LCORL: variants seen among roughly 807,000 people sequenced by gnomAD.
LCORL encodes ligand-dependent nuclear receptor corepressor-like protein.
LCORL carries 41 observed loss-of-function variants against 141.8 expected under a neutral mutation model. The ratio of observed to expected loss-of-function variants is 0.29; its 90% CI spans 0.23 to 0.38. The LOEUF is 0.38. LCORL is among the 10% of genes least tolerant of loss of function. The pLI is 1.00. For missense variants in LCORL, 1,759 were observed against 2,035.0 expected (o/e 0.86, Z 2.61); for synonymous variants, 618 against 694.1 (o/e 0.89, Z 1.72).
intron 1 of LCORL, among the ~76,000 whole-genome samples, chr4:17,979,850 T>C (rs1044362240): frequency 2.6e-5 from 4 of 152,136 alleles, no homozygotes; most frequent in Non-Finnish European, 5.9e-5. Flanking sequence ...AATAAGATTA[T>C]CCTGGTGGAT....
At chr4:17,871,692 T>C (rs954917221) in intron 7 of LCORL, among the ~76,000 whole-genome samples, 5 of 151,964 alleles carry the variant, frequency 3.3e-5, no homozygotes, top group Admixed American at 2.6e-4. Flanking sequence ...TTAAGAATTA[T>C]GTGTGTATAT....
chr4:17,982,553 G>T (rs1055182245), intron 1 of LCORL, among the ~76,000 whole-genome samples: 2 of 152,074 alleles, frequency 1.3e-5, no homozygotes, highest in African/African-American at 4.8e-5. Context: ...TCATATACTT[G>T]TTGGCTGCAT....
At chr4:17,925,216 T>C (rs1309709600) in intron 4 of LCORL, among the ~76,000 whole-genome samples, 1 of 152,204 alleles carries the variant, frequency 6.6e-6, no homozygotes, top group African/African-American at 2.4e-5. Flanking sequence ...CTGGGGTGAC[T>C]GACCCAGACA....
chr4:17,926,431 T>G (rs1395559082), intron 4 of LCORL, among the ~76,000 whole-genome samples: 1 of 152,216 alleles, frequency 6.6e-6, no homozygotes, highest in Non-Finnish European at 1.5e-5. Flanking sequence ...GGAAGCTTCC[T>G]GCCCTCGAAT....
At chr4:17,972,727 C>T (rs1439745544) in intron 2 of LCORL, 93 bp downstream of exon 2, 4 of 432,294 alleles carry the variant, frequency 9.3e-6, no homozygotes, top group African/African-American at 4.1e-5. Context: ...ATCATAAATT[C>T]ATGTTTAATA....
At chr4:17,972,314 T>C (rs967044474) in intron 2 of LCORL, among the ~76,000 whole-genome samples, 10 of 151,818 alleles carry the variant, frequency 6.6e-5, no homozygotes, top group Non-Finnish European at 1.3e-4. Context: ...GTCAATATAT[T>C]AGTTCACTTA....
chr4:17,867,851 A>C (rs1210029629), intron 7 of LCORL, among the ~76,000 whole-genome samples: 3 of 152,220 alleles, frequency 2.0e-5, no homozygotes, highest in Admixed American at 2.0e-4. Context: ...CATCAAGACA[A>C]AGATTGTTTA....
intron 4 of LCORL, among the ~76,000 whole-genome samples, chr4:17,934,867 G>T (rs775959967): frequency 1.3e-5 from 2 of 152,026 alleles, no homozygotes; most frequent in Non-Finnish European, 2.9e-5. Flanking sequence ...TGGTATCAAG[G>T]TATTTTAAAA....
chr4:18,007,204 TGTAA>T (rs903564166), intron 1 of LCORL, among the ~76,000 whole-genome samples: 50 of 152,310 alleles, frequency 3.3e-4, no homozygotes, highest in African/African-American at 1.2e-3. Flanking sequence ...CCACCTCTAG[TGTAA>T]GTGAGTTAAT....
At chr4:17,993,185 G>T (rs1056541441) in intron 1 of LCORL, among the ~76,000 whole-genome samples, 1 of 152,112 alleles carries the variant, frequency 6.6e-6, no homozygotes, top group Non-Finnish European at 1.5e-5. Context: ...TACAGTAGCT[G>T]AGAATATTTT....
At chr4:17,986,624 T>C (rs1719022426) in intron 1 of LCORL, among the ~76,000 whole-genome samples, 1 of 151,942 alleles carries the variant, frequency 6.6e-6, no homozygotes, top group South Asian at 2.1e-4. Flanking sequence ...AGGTGTGTTG[T>C]TTGTTTGTTT....
At chr4:17,882,973 AG>A (rs1727775636) in intron 6 of LCORL, 1 of 921,880 alleles carries the variant, frequency 1.1e-6, no homozygotes, top group South Asian at 5.0e-5. Flanking sequence ...TTTTGTTCTT[AG>A]TACTCCATCT....
At chr4:17,842,605 C>T in exon 8 of LCORL, 1 of 440,014 alleles carries the variant, frequency 2.3e-6, no homozygotes, top group Non-Finnish European at 4.1e-6. Flanking sequence ...TTAGTACTAT[C>T]TTTAATATGT....
chr4:17,978,477 T>C (rs1717389390), intron 1 of LCORL, among the ~76,000 whole-genome samples: 1 of 151,764 alleles, frequency 6.6e-6, no homozygotes, highest in Non-Finnish European at 1.5e-5. Context: ...CACACACCTG[T>C]AGTCTCAGCT....
rs983266029 is a variant in LCORL at position 18,002,131 on chromosome 4, A to C, written c.154+19467T>G. Among the ~76,000 whole-genome samples, 4 of 152,308 alleles carry C rather than the reference A, an allele frequency of 2.6e-5. No homozygotes were observed. The East Asian group carries it at 7.7e-4, about 29-fold the overall frequency. On this transcript the variant is annotated intron_variant, in intron 1 of 7. Transcript: ENST00000635767. ...TTCATTAAGTTATTGTTATTTCAAC[A>C]ACCAAGTAAGATGAATGCTCTGAGG...
intron 4 of LCORL, among the ~76,000 whole-genome samples, chr4:17,927,746 T>TCCAAAATAATTACA (rs1735380547): frequency 6.6e-6 from 1 of 152,142 alleles, no homozygotes; most frequent in Non-Finnish European, 1.5e-5. Flanking sequence ...TTCGTGGTGC[T>TCCAAAATAATTACA]CCAAAATAAT....
chr4:17,915,595 T>C (rs1444767085), intron 4 of LCORL, among the ~76,000 whole-genome samples: 1 of 152,188 alleles, frequency 6.6e-6, no homozygotes, highest in East Asian at 1.9e-4. Context: ...AATAAGCTGT[T>C]AATAGCCACA....
chr4:17,987,963 G>C (rs1019475916), intron 1 of LCORL, among the ~76,000 whole-genome samples: 4 of 152,134 alleles, frequency 2.6e-5, no homozygotes, highest in African/African-American at 9.7e-5. Context: ...GATATGGTTT[G>C]GCTCTGTGTC....
exon 8 of LCORL, chr4:17,843,289 A>C (rs772558446): frequency 1.1e-5 from 18 of 1,602,246 alleles, no homozygotes; most frequent in Non-Finnish European, 1.5e-5. Flanking sequence ...GTGTATTTTC[A>C]ACATCTATTT....
Sources: allele counts gnomAD v4.1 joint callset (sites outside exome capture counted in the v4.1 genomes callset), GRCh38; gene constraint gnomAD v4.1.1; transcripts MANE v1.5; gene names NCBI Gene and HGNC (gene_info 2026-07-23, HGNC 2026-07-21).